The following RNF170 variants were observed in gnomAD, a reference collection of about 807,000 sequenced individuals.
RNF170 encodes ring finger protein 170.
A neutral mutation model predicts 32.7 loss-of-function variants in RNF170; 12 were observed. The observed-to-expected ratio is 0.37, with a 90% CI of 0.24 to 0.60. The LOEUF is 0.60. Ranked by LOEUF, RNF170 falls within the 20% of genes least tolerant of loss-of-function variation. The pLI is 0.72. For synonymous variants in RNF170, 91 were observed against 103.6 expected (o/e 0.88, Z 0.74); for missense variants, 212 against 311.2 (o/e 0.68, Z 2.40).
downstream of RNF170, chr8:42,850,079 G>C (rs1005678670): frequency 6.5e-6 from 1 of 153,770 alleles, no homozygotes; most frequent in Non-Finnish European, 1.4e-5. Context: ...AGGATGCCCG[G>C]CGGAGGAGCC....
chr8:42,855,352 C>T lies in RNF170; in HGVS notation c.*807G>A. 2 of 737,606 alleles carry T rather than the reference C, an allele frequency of 2.7e-6. No homozygotes were observed. The highest frequency in any genetic ancestry group is 3.9e-6 in the Non-Finnish European group (2 of 509,636). The allele number at this position is 737,606 out of a possible 1,614,324, so 45.7% of individuals were successfully genotyped here. On this transcript the variant is annotated 3_prime_UTR_variant, in exon 7 of 7. Transcript: ENST00000527424. Reference sequence around the variant, plus strand: ...TCAGCCTCCCGAGTAGCTGGGACTACAGGCGCCTGCCACCACGCCTGGCTA... The same window carrying T: ...TCAGCCTCCCGAGTAGCTGGGACTATAGGCGCCTGCCACCACGCCTGGCTA...
chr8:42,857,268 A>C (rs1422732150), intron 6 of RNF170, among the ~76,000 whole-genome samples: 1 of 152,246 alleles, frequency 6.6e-6, no homozygotes, highest in East Asian at 1.9e-4. Context: ...AAACCCCCAG[A>C]CTAAGAGAAA....
chr8:42,869,002 CT>C (rs1278735950), intron 4 of RNF170, among the ~76,000 whole-genome samples: 1 of 152,152 alleles, frequency 6.6e-6, no homozygotes, highest in Non-Finnish European at 1.5e-5. Context: ...GCTCAAGCTC[CT>C]GGGCTCAAGC....
At chr8:42,897,103 G>T, upstream of RNF170, 3 of 1,241,458 alleles carry the variant, frequency 2.4e-6, no homozygotes, top group Non-Finnish European at 3.0e-6. Context: ...TGGCCAGGCG[G>T]TAGGCGCTGC....
chr8:42,861,971 TTAAA>T, intron 5 of RNF170, 116 bp from the exon 6 acceptor site: 1 of 1,190,550 alleles, frequency 8.4e-7, no homozygotes. Flanking sequence ...TCACTCATTT[TTAAA>T]TAAAGGCAAC....
chr8:42,886,740 G>T (rs1805859612), intron 2 of RNF170, among the ~76,000 whole-genome samples: 1 of 152,082 alleles, frequency 6.6e-6, no homozygotes, highest in Non-Finnish European at 1.5e-5. Context: ...ATTAATTTTA[G>T]AATCAGGTGC....
downstream of RNF170, among the ~76,000 whole-genome samples, chr8:42,851,575 AAAAAAGAAAG>A (rs1213531158): frequency 2.1e-3 from 314 of 152,082 alleles, 1 homozygote; most frequent in African/African-American, 6.9e-3. Flanking sequence ...AAAAAAAAAA[AAAAAAGAAAG>A]AAAAAGAAAG....
In RNF170 at chr8:42,853,416, C is replaced by G. The variant is rs1803003435; in HGVS notation, c.*2743G>C. On this transcript the variant is annotated 3_prime_UTR_variant, in exon 7 of 7. Coordinates refer to ENST00000527424, the MANE Select transcript of RNF170 (RefSeq NM_030954.4). Reference sequence around the variant, plus strand: ...AACAACTCTGTGAGGTAGGTATCTGCATAGCCACAAGGGATCCACATAGTC... The same window carrying G: ...AACAACTCTGTGAGGTAGGTATCTGGATAGCCACAAGGGATCCACATAGTC... 3.1e-6 allele frequency: 4 copies of G among 1,286,936 alleles called. No individual in the cohort carries two copies. The Admixed American group carries it at 9.2e-5, about 30-fold the overall frequency. 79.7% of individuals were successfully genotyped at this position (1,286,936 alleles called of 1,614,324 possible).
At chr8:42,871,967 C>G (rs1175033612) in intron 3 of RNF170, among the ~76,000 whole-genome samples, 1 of 152,208 alleles carries the variant, frequency 6.6e-6, no homozygotes, top group African/African-American at 2.4e-5. Flanking sequence ...AATACAGTAG[C>G]CAGGAGCCAC....
At chr8:42,874,263 A>G (rs1429775013) in intron 2 of RNF170, among the ~76,000 whole-genome samples, 1 of 152,230 alleles carries the variant, frequency 6.6e-6, no homozygotes, top group Non-Finnish European at 1.5e-5. Flanking sequence ...TCTATTGTAA[A>G]TGGAAGCTTA....
At chr8:42,881,016 A>G (rs1422669812) in intron 2 of RNF170, among the ~76,000 whole-genome samples, 2 of 152,254 alleles carry the variant, frequency 1.3e-5, no homozygotes, top group Non-Finnish European at 2.9e-5. Context: ...TAACTTTTAT[A>G]TGCACTAGGG....
chr8:42,849,930 G>T (rs1802899312), downstream of RNF170: 1 of 152,286 alleles, frequency 6.6e-6, no homozygotes, highest in African/African-American at 2.4e-5. Context: ...TAGCAAACAC[G>T]TGACCACAGA....
intron 2 of RNF170, among the ~76,000 whole-genome samples, chr8:42,883,582 A>C (rs1478272144): frequency 6.6e-6 from 1 of 151,088 alleles, no homozygotes; most frequent in African/African-American, 2.4e-5. Flanking sequence ...AAAAAAAAAA[A>C]AAAAAAAAAA....
chr8:42,865,338 C>A, intron 5 of RNF170, 78 bp downstream of exon 5: 1 of 1,077,292 alleles, frequency 9.3e-7, no homozygotes, highest in Non-Finnish European at 1.4e-6. Context: ...AATAATAATT[C>A]CAAATGTAGA....
intron 5 of RNF170, 88 bp from the exon 6 acceptor site, chr8:42,861,943 G>T: frequency 7.4e-7 from 1 of 1,344,942 alleles, no homozygotes; most frequent in Non-Finnish European, 1.0e-6. Context: ...GAATGATAAA[G>T]GCTTCTATAT....
intron 6 of RNF170, among the ~76,000 whole-genome samples, chr8:42,860,697 A>T (rs1803588873): frequency 6.7e-6 from 1 of 150,342 alleles, no homozygotes; most frequent in African/African-American, 2.5e-5. Context: ...TGCTGGGATT[A>T]CAGGTGTGAG....
At chr8:42,888,715 C>T (rs1030700788) in intron 1 of RNF170, among the ~76,000 whole-genome samples, 2 of 152,054 alleles carry the variant, frequency 1.3e-5, no homozygotes, top group Non-Finnish European at 2.9e-5. Context: ...GCCCAGAGAG[C>T]GCCACTGTAC....
chr8:42,889,707 T>A (rs1806137209), intron 1 of RNF170, among the ~76,000 whole-genome samples: 1 of 152,160 alleles, frequency 6.6e-6, no homozygotes, highest in African/African-American at 2.4e-5. Context: ...CAAGTAACTA[T>A]TACGAAGGTG....
At chr8:42,857,079 T>C (rs1803298165) in intron 6 of RNF170, among the ~76,000 whole-genome samples, 1 of 152,372 alleles carries the variant, frequency 6.6e-6, no homozygotes, top group Admixed American at 6.5e-5. Context: ...GCAGTGAAAC[T>C]GATTCCTTCT....
Sources: allele counts gnomAD v4.1 joint callset (sites outside exome capture counted in the v4.1 genomes callset), GRCh38; gene constraint gnomAD v4.1.1; transcripts MANE v1.5; gene names NCBI Gene and HGNC (gene_info 2026-07-23, HGNC 2026-07-21).